SAMTOR: variants seen among roughly 807,000 people sequenced by gnomAD.
The protein encoded by SAMTOR is UPF0532 protein C7orf60.
At chr7:112,933,459 CTCCTTACA>C in the SAMTOR span, among the ~76,000 whole-genome samples, 3 of 152,112 alleles carry the variant, frequency 2.0e-5, no homozygotes, top group East Asian at 5.8e-4. Context: ...AAACAAGTAG[CTCCTTACA>C]CAGTGGTGCA....
At chr7:112,894,570 G>A in the SAMTOR span, among the ~76,000 whole-genome samples, 16 of 152,254 alleles carry the variant, frequency 1.1e-4, no homozygotes, top group Admixed American at 7.9e-4. Context: ...GATGGAAGGC[G>A]AAAGGCATAT....
chr7:112,868,492 C>G, the SAMTOR span, among the ~76,000 whole-genome samples: 2 of 152,148 alleles, frequency 1.3e-5, no homozygotes, highest in Non-Finnish European at 2.9e-5. Flanking sequence ...ATCTGTATAA[C>G]CCAGGCAAAG....
chr7:112,832,543 A>G, the SAMTOR span: 1 of 1,425,778 alleles, frequency 7.0e-7, no homozygotes, highest in African/African-American at 1.4e-5. Flanking sequence ...TAAAGTCCAA[A>G]AACAAAACTA....
At chr7:112,843,107 A>C in the SAMTOR span, among the ~76,000 whole-genome samples, 2 of 152,044 alleles carry the variant, frequency 1.3e-5, no homozygotes, top group Non-Finnish European at 2.9e-5. Context: ...GAGTCTTGAA[A>C]GATTGTATCA....
the SAMTOR span, among the ~76,000 whole-genome samples, chr7:112,855,760 C>T: frequency 6.6e-5 from 10 of 152,230 alleles, no homozygotes; most frequent in South Asian, 2.1e-3. Context: ...GTTAAGTTTA[C>T]CCAGATAATC....
chr7:112,850,635 G>A, the SAMTOR span, among the ~76,000 whole-genome samples: 2 of 152,116 alleles, frequency 1.3e-5, no homozygotes, highest in African/African-American at 2.4e-5. Flanking sequence ...GTTGCAGGGC[G>A]CTGGATGTTT....
At chr7:112,867,401 TA>T in the SAMTOR span, among the ~76,000 whole-genome samples, 1 of 149,064 alleles carries the variant, frequency 6.7e-6, no homozygotes, top group Non-Finnish European at 1.5e-5. Flanking sequence ...GAGGCATAAT[TA>T]ATAATTTTCT....
chr7:112,837,333 T>C, the SAMTOR span, among the ~76,000 whole-genome samples: 2 of 152,040 alleles, frequency 1.3e-5, no homozygotes, highest in East Asian at 3.9e-4. Context: ...TGGGAGCTTT[T>C]AGCAGAGACT....
At chr7:112,867,553 A>C in the SAMTOR span, among the ~76,000 whole-genome samples, 1 of 152,204 alleles carries the variant, frequency 6.6e-6, no homozygotes, top group African/African-American at 2.4e-5. Context: ...CTATAGGTAC[A>C]ATGCCACTTA....
chr7:112,843,493 T>C, the SAMTOR span, among the ~76,000 whole-genome samples: 2 of 151,940 alleles, frequency 1.3e-5, no homozygotes, highest in African/African-American at 4.8e-5. Flanking sequence ...CCTACATTCA[T>C]AAAAGAAGGA....
the SAMTOR span, among the ~76,000 whole-genome samples, chr7:112,887,605 T>A: frequency 2.0e-5 from 3 of 152,200 alleles, no homozygotes; most frequent in Non-Finnish European, 4.4e-5. Flanking sequence ...CAGTTAATTA[T>A]TTCTTCAATT....
the SAMTOR span, among the ~76,000 whole-genome samples, chr7:112,922,889 G>GCC: frequency 7.5e-4 from 72 of 96,446 alleles, no homozygotes; most frequent in African/African-American, 2.8e-3. Context: ...GGGGGGGTCA[G>GCC]CCCCCCCCCC....
chr7:112,823,410 T>C, the SAMTOR span, among the ~76,000 whole-genome samples: 2 of 152,202 alleles, frequency 1.3e-5, no homozygotes, highest in Non-Finnish European at 2.9e-5. Context: ...TCTCTTCCCC[T>C]GCCAGCAGGC....
At chr7:112,936,097 T>C in the SAMTOR span, among the ~76,000 whole-genome samples, 1 of 152,208 alleles carries the variant, frequency 6.6e-6, no homozygotes, top group Non-Finnish European at 1.5e-5. Flanking sequence ...AAAAATTATG[T>C]ATGCAAAGAC....
At chr7:112,936,521 A>G in the SAMTOR span, among the ~76,000 whole-genome samples, 1 of 152,362 alleles carries the variant, frequency 6.6e-6, no homozygotes, top group African/African-American at 2.4e-5. Flanking sequence ...GTTCATCACC[A>G]TCAACTAGCA....
the SAMTOR span, among the ~76,000 whole-genome samples, chr7:112,886,394 T>C: frequency 1.3e-5 from 2 of 152,222 alleles, no homozygotes; most frequent in Non-Finnish European, 2.9e-5. Flanking sequence ...AATTCAGTAA[T>C]ATGTACAAGA....
the SAMTOR span, among the ~76,000 whole-genome samples, chr7:112,878,896 G>A: frequency 6.6e-6 from 1 of 152,090 alleles, no homozygotes; most frequent in Non-Finnish European, 1.5e-5. Context: ...ACTGGAAAAA[G>A]AGACTACTTA....
the SAMTOR span, among the ~76,000 whole-genome samples, chr7:112,924,638 G>C: frequency 6.6e-6 from 1 of 152,034 alleles, no homozygotes; most frequent in Non-Finnish European, 1.5e-5. Context: ...TTTGGGTAGT[G>C]ACTGGCCTCT....
the SAMTOR span, chr7:112,832,768 C>G: frequency 4.1e-6 from 3 of 728,190 alleles, no homozygotes; most frequent in East Asian, 2.6e-5. Context: ...GTCTCAGGAC[C>G]CTTTTACACA....
Sources: gnomAD v4.1 joint callset for allele counts (sites outside exome capture counted in the v4.1 genomes callset) on GRCh38, gnomAD v4.1.1 for gene constraint, MANE v1.5 for transcripts, NCBI Gene and HGNC (gene_info 2026-07-23, HGNC 2026-07-21) for gene names.